TCF7L2: variants seen among roughly 807,000 people sequenced by gnomAD.
TCF7L2 encodes the protein transcription factor 7-like 2.
TCF7L2 carries 23 observed loss-of-function variants against 77.9 expected under a neutral mutation model. That is an observed-to-expected ratio of 0.30 (90% CI 0.21 to 0.42). The LOEUF (loss-of-function observed/expected upper bound fraction) is 0.42. Among genes scored for constraint, TCF7L2 ranks in the 10% least tolerant of loss-of-function variants. TCF7L2 has a pLI of 1.00. For synonymous variants in TCF7L2, 413 were observed against 340.2 expected, an observed-to-expected ratio of 1.21 and a Z score of -2.36; for missense variants, 654 against 793.1, an observed-to-expected ratio of 0.82 and a Z score of 2.11.
chr10:112,952,693 G>A (rs890332874), intron 3 of TCF7L2, among the ~76,000 whole-genome samples: 20 of 152,202 alleles, frequency 1.3e-4, no homozygotes, highest in African/African-American at 4.8e-4. Context: ...TCAAGGGAGT[G>A]GGCCGCCGAT....
At chr10:113,072,204 C>T (rs975745760) in intron 5 of TCF7L2, among the ~76,000 whole-genome samples, 2 of 151,226 alleles carry the variant, frequency 1.3e-5, no homozygotes, top group Admixed American at 6.6e-5. Flanking sequence ...TACAGGCACC[C>T]GCCACCACGC....
At chr10:113,036,378 C>T (rs867104093) in intron 4 of TCF7L2, among the ~76,000 whole-genome samples, 1 of 152,036 alleles carries the variant, frequency 6.6e-6, no homozygotes, top group Non-Finnish European at 1.5e-5. Flanking sequence ...GGAGCCTCTC[C>T]TCATTTGCCT....
At chr10:113,012,596 GTC>G (rs2133654133) in intron 4 of TCF7L2, among the ~76,000 whole-genome samples, 1 of 152,286 alleles carries the variant, frequency 6.6e-6, no homozygotes, top group South Asian at 2.1e-4. Flanking sequence ...AAACTGAAAT[GTC>G]TCTGCTCTGT....
chr10:112,991,878 G>A (rs1205984358), intron 4 of TCF7L2, among the ~76,000 whole-genome samples: 1 of 152,206 alleles, frequency 6.6e-6, no homozygotes, highest in Non-Finnish European at 1.5e-5. Context: ...AAACATCACT[G>A]TGAAGGTGGA....
chr10:113,078,155 A>G (rs1468780304), intron 5 of TCF7L2, among the ~76,000 whole-genome samples: 1 of 151,960 alleles, frequency 6.6e-6, no homozygotes, highest in Non-Finnish European at 1.5e-5. Flanking sequence ...AAGCTAGTTC[A>G]TATTTGCTTT....
intron 5 of TCF7L2, among the ~76,000 whole-genome samples, chr10:113,065,794 ATGT>A (rs764054397): frequency 2.0e-5 from 3 of 152,176 alleles, no homozygotes; most frequent in Non-Finnish European, 2.9e-5. Flanking sequence ...TAGGAAAAAG[ATGT>A]TGTGAGGCTC....
At chr10:113,031,248 C>T (rs201037548) in intron 4 of TCF7L2, among the ~76,000 whole-genome samples, 1 of 152,176 alleles carries the variant, frequency 6.6e-6, no homozygotes, top group Non-Finnish European at 1.5e-5. Context: ...ATTTAGAGGT[C>T]TAAAAGAGCC....
At chr10:112,957,215 T>G (rs1225180754) in intron 3 of TCF7L2, among the ~76,000 whole-genome samples, 1 of 125,592 alleles carries the variant, frequency 8.0e-6, no homozygotes, top group Non-Finnish European at 1.7e-5. Context: ...TTTTTTTTTT[T>G]TGAGATTACA....
At position 113,137,382 on chromosome 10, in the gene TCF7L2, A is replaced by G. The variant is rs140290135; in HGVS notation, c.553-3802A>G. 1.5e-3 allele frequency among the ~76,000 whole-genome samples: 223 copies of G among 152,350 alleles called. 3 individuals are homozygous for G. The South Asian group carries it at 0.028, about 19-fold the overall frequency. ...TAGCTTGTGCCTGTCACTGTGCTAA[A>G]TACTTTACGTGCAAGTTCTCATTCA... On this transcript the variant is annotated intron_variant, in intron 5 of 13. Coordinates refer to ENST00000627217, the MANE Select transcript of TCF7L2 (RefSeq NM_001146274.2).
chr10:113,034,271 G>A (rs1429795893), intron 4 of TCF7L2, among the ~76,000 whole-genome samples: 2 of 152,134 alleles, frequency 1.3e-5, no homozygotes, highest in Admixed American at 6.5e-5. Flanking sequence ...CCCTTTCTAT[G>A]GTGAGTGGCT....
chr10:113,084,905 C>T (rs1271280385), intron 5 of TCF7L2, among the ~76,000 whole-genome samples: 2 of 150,064 alleles, frequency 1.3e-5, no homozygotes, highest in Non-Finnish European at 3.0e-5. Flanking sequence ...CAAGCCACCC[C>T]CCCCCAAAAA....
intron 8 of TCF7L2, among the ~76,000 whole-genome samples, chr10:113,147,608 G>A (rs2069751621): frequency 6.6e-6 from 1 of 152,162 alleles, no homozygotes; most frequent in Admixed American, 6.5e-5. Flanking sequence ...GAATGAGTAG[G>A]GGGTCTCCCA....
In TCF7L2 at chr10:113,112,740, C is replaced by T. The variant is rs549735436; in HGVS notation, c.553-28444C>T. Among the ~76,000 whole-genome samples, 6 of 152,256 alleles carry T rather than the reference C, an allele frequency of 3.9e-5. No homozygotes were observed. In the East Asian group the frequency reaches 1.2e-3, roughly 29 times the overall value. On this transcript the variant is annotated intron_variant, in intron 5 of 13. Coordinates refer to ENST00000627217, the MANE Select transcript of TCF7L2 (RefSeq NM_001146274.2). ...AATTTCAGAATGGGATCGTACTGTCCTGTACTGTCACCTTCTCTCTGATGT... is the reference window on the plus strand; with the variant it reads ...AATTTCAGAATGGGATCGTACTGTCTTGTACTGTCACCTTCTCTCTGATGT...
At chr10:113,072,053 TTA>T (rs1258488314) in intron 5 of TCF7L2, among the ~76,000 whole-genome samples, 1 of 152,194 alleles carries the variant, frequency 6.6e-6, no homozygotes, top group Non-Finnish European at 1.5e-5. Flanking sequence ...TTTTAATTAA[TTA>T]ATTAGTTTAT....
At position 112,952,838 on chromosome 10, in the gene TCF7L2, C is replaced by T. The variant is rs371231299; in HGVS notation, c.381+1231C>T. ...TCATCCCCTCCCCCACCGGCCTGTG[C>T]CCCCTGCCCTCACCCTGAACCCCCT... On this transcript the variant is annotated intron_variant, in intron 3 of 13. Transcript: ENST00000627217. Among the ~76,000 whole-genome samples the T allele has an allele frequency of 1.5e-3, 215 of 139,486 alleles. 5 individuals are homozygous for T. In the East Asian group the frequency reaches 0.048, roughly 31 times the overall value. The allele number at this position is 139,486 out of a possible 152,430, so 91.5% of individuals were successfully genotyped here.
chr10:113,024,495 T>C lies in TCF7L2; in HGVS notation c.451-15530T>C, dbSNP rs151316174. 6.6e-3 allele frequency among the ~76,000 whole-genome samples: 1,007 copies of C among 152,304 alleles called. 16 individuals carry two copies. Among genetic ancestry groups the C allele is most frequent in the African/African-American group, 0.022 (935 of 41,560 alleles). The stretch of plus-strand genomic sequence containing the variant: ...AACCATTATCCAAAATGCTTGGGGC[T>C]GAAAGTGTTTTGGATTTTTAATTTT... On this transcript the variant is annotated intron_variant, in intron 4 of 13. Transcript: ENST00000627217.
At position 113,145,914 on chromosome 10, in the gene TCF7L2, G is replaced by T. The variant is rs1381625473; in HGVS notation, c.789-97G>T. The stretch of plus-strand genomic sequence containing the variant: ...TTTGTTCTGATCAAATGAGAATAAA[G>T]CTTACTGTGCAGAGAGAACTTTTCC... On this transcript the variant is annotated intron_variant, in intron 7 of 13. Coordinates refer to ENST00000627217, the MANE Select transcript of TCF7L2 (RefSeq NM_001146274.2). 2.2e-5 allele frequency: 22 copies of T among 1,001,898 alleles called. No individual in the cohort carries two copies. In the East Asian group the frequency reaches 5.0e-4, roughly 23 times the overall value. The allele number at this position is 1,001,898 out of a possible 1,614,324, so 62.1% of individuals were successfully genotyped here.
chr10:113,137,588 G>T (rs192257394), intron 5 of TCF7L2, among the ~76,000 whole-genome samples: 2 of 152,184 alleles, frequency 1.3e-5, no homozygotes, highest in Non-Finnish European at 2.9e-5. Context: ...CCTTTTAAAG[G>T]CACAGTTGTA....
At chr10:112,983,135 GT>G (rs747412006) in intron 4 of TCF7L2, among the ~76,000 whole-genome samples, 14 of 146,030 alleles carry the variant, frequency 9.6e-5, no homozygotes, top group East Asian at 2.0e-4. Flanking sequence ...TTGTTTTTTT[GT>G]TTTTTTTTTG....
Sources: gnomAD v4.1 joint callset for allele counts (sites outside exome capture counted in the v4.1 genomes callset) on GRCh38, gnomAD v4.1.1 for gene constraint, MANE v1.5 for transcripts, NCBI Gene and HGNC (gene_info 2026-07-23, HGNC 2026-07-21) for gene names.